The following CDH18 variants were observed in gnomAD, a reference collection of about 807,000 sequenced individuals.
CDH18 encodes the protein cadherin 18.
Under a neutral mutation model 67.9 loss-of-function variants are expected in CDH18, and 31 were observed. The observed-to-expected ratio is 0.46, with a 90% CI of 0.34 to 0.62. The LOEUF (loss-of-function observed/expected upper bound fraction) is 0.62, where lower values mean the gene tolerates loss of function less well. Among genes scored for constraint, CDH18 ranks in the 20% least tolerant of loss-of-function variants. The pLI is 0.01. For missense variants in CDH18, 890 were observed against 975.5 expected, an observed-to-expected ratio of 0.91 and a Z score of 1.17; for synonymous variants, 362 against 347.2, an observed-to-expected ratio of 1.04 and a Z score of -0.48.
rs551596269 is a variant in CDH18, at chr5:19,824,891, G to T, written c.228+13868C>A. Among the ~76,000 whole-genome samples, 8 of 151,916 alleles carry T rather than the reference G, an allele frequency of 5.3e-5. No homozygotes were observed. The South Asian group carries it at 1.0e-3, about 20-fold the overall frequency. On this transcript the variant is annotated intron_variant, in intron 3 of 12. Coordinates refer to ENST00000382275, the MANE Select transcript of CDH18 (RefSeq NM_004934.5). ...ATGGATTCAACCAGTGGGTACAGTG[G>T]GTACAACCTTCTATTGTCCCAGAAA...
chr5:19,621,689 G>C (rs1345980206), intron 5 of CDH18, among the ~76,000 whole-genome samples: 1 of 152,124 alleles, frequency 6.6e-6, no homozygotes, highest in Non-Finnish European at 1.5e-5. Flanking sequence ...GAAATGAGTT[G>C]TTGCTGTTTA....
At chr5:20,182,446 T>C (rs1009027368) in intron 2 of CDH18, among the ~76,000 whole-genome samples, 1 of 151,448 alleles carries the variant, frequency 6.6e-6, no homozygotes, top group African/African-American at 2.4e-5. Context: ...CTACTAAAAA[T>C]ACAAAATTGG....
At chr5:19,884,237 G>T (rs751213412) in intron 2 of CDH18, among the ~76,000 whole-genome samples, 6 of 152,038 alleles carry the variant, frequency 3.9e-5, no homozygotes, top group Non-Finnish European at 7.4e-5. Flanking sequence ...CTCATTTCTT[G>T]CTATAAAAGA....
intron 1 of CDH18, among the ~76,000 whole-genome samples, chr5:20,474,243 C>A (rs1391617484): frequency 2.0e-5 from 3 of 152,020 alleles, no homozygotes; most frequent in Admixed American, 2.0e-4. Context: ...GCCACTGCAC[C>A]TTTCCAGCCT....
chr5:19,618,317 T>TTGAACCCGAGTA (rs1466540054), intron 5 of CDH18, among the ~76,000 whole-genome samples: 77 of 152,002 alleles, frequency 5.1e-4, no homozygotes, highest in Non-Finnish European at 9.4e-4. Context: ...GTGATTCCCC[T>TTGAACCCGAGTA]GCGTTCGCTT....
At chr5:19,905,658 T>C (rs1187847065) in intron 2 of CDH18, among the ~76,000 whole-genome samples, 1 of 152,024 alleles carries the variant, frequency 6.6e-6, no homozygotes, top group Non-Finnish European at 1.5e-5. Flanking sequence ...TACTTGTTTT[T>C]AACCTTTAAA....
chr5:20,506,506 A>G (rs1199373436), intron 1 of CDH18, among the ~76,000 whole-genome samples: 2 of 152,210 alleles, frequency 1.3e-5, no homozygotes, highest in African/African-American at 4.8e-5. Flanking sequence ...ACTGACAGCT[A>G]CAAGGTCTGA....
intron 1 of CDH18, among the ~76,000 whole-genome samples, chr5:20,391,452 C>T (rs1411697428): frequency 6.6e-6 from 1 of 151,898 alleles, no homozygotes; most frequent in African/African-American, 2.4e-5. Flanking sequence ...ATATCTTAGA[C>T]ACATTAATGT....
chr5:19,668,234 CTCTGTGAG>C (rs1360738434), intron 5 of CDH18, among the ~76,000 whole-genome samples: 1 of 151,944 alleles, frequency 6.6e-6, no homozygotes, highest in Non-Finnish European at 1.5e-5. Flanking sequence ...TTAAGCTATT[CTCTGTGAG>C]TCTGTGAGTG....
chr5:19,663,659 T>C (rs905361983), intron 5 of CDH18, among the ~76,000 whole-genome samples: 1 of 151,992 alleles, frequency 6.6e-6, no homozygotes, highest in African/African-American at 2.4e-5. Context: ...TGCTGGATGA[T>C]TTCACTTTGT....
At chr5:19,978,018 A>G (rs13168252) in intron 2 of CDH18, among the ~76,000 whole-genome samples, 64,013 of 151,722 alleles carry the variant, frequency 0.42, 15,899 homozygotes, top group Middle Eastern at 0.66. Flanking sequence ...TATTTCCTGC[A>G]CTACAAAAGT....
rs115175923 is a variant in CDH18 at position 20,382,106 on chromosome 5, T to C, written c.-579-126601A>G. Among the ~76,000 whole-genome samples the C allele has an allele frequency of 4.1e-3, 631 of 152,182 alleles. 8 individuals are homozygous for C. Among genetic ancestry groups the C allele is most frequent in the African/African-American group, 0.014 (595 of 41,548 alleles). ...AAATTAATACAATTGAGAGAAAATA[T>C]TGAACATGAAATTACTAGAGGTTAA... On this transcript the variant is annotated intron_variant, in intron 1 of 14. Coordinates refer to the CDH18 transcript ENST00000507958.
intron 2 of CDH18, among the ~76,000 whole-genome samples, chr5:19,878,490 G>T (rs1372807143): frequency 6.6e-6 from 1 of 152,210 alleles, no homozygotes. Context: ...GCCTGTGAAT[G>T]TTGTCTGCTT....
At chr5:19,777,181 G>A (rs1005348590) in intron 3 of CDH18, among the ~76,000 whole-genome samples, 5 of 152,182 alleles carry the variant, frequency 3.3e-5, no homozygotes, top group African/African-American at 1.2e-4. Context: ...GCAGGAGCCT[G>A]AGGCACAAGA....
At chr5:19,696,257 G>A (rs1015360679) in intron 5 of CDH18, among the ~76,000 whole-genome samples, 6 of 6,842 alleles carry the variant, frequency 8.8e-4, no homozygotes, top group African/African-American at 1.3e-3. Context: ...GTGTGTGTGT[G>A]TGTGCGTATT....
At chr5:20,427,149 AT>A (rs1176239536) in intron 1 of CDH18, among the ~76,000 whole-genome samples, 3 of 151,178 alleles carry the variant, frequency 2.0e-5, no homozygotes, top group Admixed American at 6.6e-5. Flanking sequence ...TTCGTTTAAT[AT>A]TCTACTTTAT....
At chr5:19,846,336 T>C (rs577714815) in intron 2 of CDH18, among the ~76,000 whole-genome samples, 33 of 152,268 alleles carry the variant, frequency 2.2e-4, no homozygotes, top group Non-Finnish European at 3.5e-4. Flanking sequence ...ATGTCACAAA[T>C]ACATTTTTAT....
intron 1 of CDH18, among the ~76,000 whole-genome samples, chr5:20,563,642 G>A (rs1362295933): frequency 1.3e-5 from 2 of 152,080 alleles, no homozygotes; most frequent in East Asian, 1.9e-4. Context: ...GTGTTCATGA[G>A]TTTGAGAATC....
chr5:20,456,392 A>C (rs964259613), intron 1 of CDH18, among the ~76,000 whole-genome samples: 20 of 152,142 alleles, frequency 1.3e-4, no homozygotes, highest in African/African-American at 4.6e-4. Context: ...ATTTATATAA[A>C]AACCAAAAAG....
Sources: gnomAD v4.1 joint callset for allele counts (sites outside exome capture counted in the v4.1 genomes callset) on GRCh38, gnomAD v4.1.1 for gene constraint, MANE v1.5 for transcripts, NCBI Gene and HGNC (gene_info 2026-07-23, HGNC 2026-07-21) for gene names.